The following MS4A8 variants were observed in gnomAD, a reference collection of about 807,000 sequenced individuals.
MS4A8 encodes the protein membrane-spanning 4-domains subfamily A member 8.
A neutral mutation model predicts 23.7 loss-of-function variants in MS4A8; 27 were observed. The ratio of observed to expected loss-of-function variants is 1.14; its 90% confidence interval spans 0.84 to 1.57. MS4A8 has a LOEUF of 1.57. Ranked by LOEUF, MS4A8 falls within the 40% of genes most tolerant of loss-of-function variation. The pLI, the probability that MS4A8 is intolerant of heterozygous loss-of-function variation, is 0.00. For synonymous variants in MS4A8, 138 were observed against 126.3 expected, an observed-to-expected ratio of 1.09 and a Z score of -0.62; for missense variants, 301 against 311.4, an observed-to-expected ratio of 0.97 and a Z score of 0.25.
intron 3 of MS4A8, among the ~76,000 whole-genome samples, chr11:60,705,604 A>C (rs1356950927): frequency 1.3e-5 from 2 of 152,248 alleles, no homozygotes; most frequent in Non-Finnish European, 2.9e-5. Context: ...CCTCCCCATC[A>C]AATCTCTATA....
chr11:60,706,870 C>T, intron 3 of MS4A8, 118 bp from the exon 4 acceptor site: 1 of 815,706 alleles, frequency 1.2e-6, no homozygotes, highest in East Asian at 2.4e-5. Context: ...TTCTGTTGCC[C>T]ATGTTGAGCT....
At chr11:60,705,860 T>G (rs1217121007) in intron 3 of MS4A8, among the ~76,000 whole-genome samples, 15 of 152,234 alleles carry the variant, frequency 9.9e-5, no homozygotes. Context: ...TTATTTACAA[T>G]GAAAACTCCG....
chr11:60,714,212 C>T (rs1036522715), intron 5 of MS4A8, among the ~76,000 whole-genome samples: 4 of 141,948 alleles, frequency 2.8e-5, no homozygotes, highest in Admixed American at 2.7e-4. Flanking sequence ...GCGTGAGCCA[C>T]CGCGCCCGGC....
At chr11:60,714,894 C>T (rs1445507038) in intron 5 of MS4A8, 127 bp from the exon 6 acceptor site, 3 of 676,756 alleles carry the variant, frequency 4.4e-6, no homozygotes, top group African/African-American at 1.8e-5. Context: ...AAATTTCCCC[C>T]CACGAGGCTG....
At chr11:60,710,073 T>G (rs137868644) in intron 5 of MS4A8, among the ~76,000 whole-genome samples, 2 of 152,196 alleles carry the variant, frequency 1.3e-5, no homozygotes, top group Non-Finnish European at 2.9e-5. Flanking sequence ...TTGCTTGACT[T>G]CCAGGCTCCA....
At position 60,700,900 on chromosome 11, in the gene MS4A8, G is replaced by A; in HGVS notation, c.40G>A (p.Val14Met). ...TTCAGCAGTTCCGGTGGCCAATTCT[G>A]TGTTGGTGGTGGCACCCCACAATGG... Reference protein sequence around the residue: ...MTSAVPVANSVLVVAPHNGYP... With the variant: ...MTSAVPVANSMLVVAPHNGYP... Residue 14 changes from valine to methionine, a missense_variant, in exon 2 of 7, where the codon GTG becomes ATG. Physicochemically the swap from Val to Met is conservative, Grantham distance 21. Transcript: ENST00000300226. 3 of 1,614,166 alleles carry A rather than the reference G, an allele frequency of 1.9e-6. No homozygotes were observed. The highest frequency in any genetic ancestry group is 1.7e-6 in the Non-Finnish European group (2 of 1,180,028).
chr11:60,703,651 C>T (rs1447057995), intron 3 of MS4A8, 151 bp downstream of exon 3: 7 of 854,862 alleles, frequency 8.2e-6, no homozygotes, highest in African/African-American at 5.3e-5. Context: ...GGCCTCGTTC[C>T]GCAAGCATAT....
At chr11:60,707,812 CTTTTTT>C (rs5792195) in intron 4 of MS4A8, among the ~76,000 whole-genome samples, 3 of 55,144 alleles carry the variant, frequency 5.4e-5, no homozygotes, top group African/African-American at 1.3e-4. Context: ...TTTTCTTTTT[CTTTTTT>C]TTTTTTTTTT....
chr11:60,712,611 T>A, intron 5 of MS4A8: 2 of 467,352 alleles, frequency 4.3e-6, no homozygotes. Context: ...CTGGGCAACA[T>A]GGCGAAATCC....
At chr11:60,703,684 C>T (rs112972816) in intron 3 of MS4A8, among the ~76,000 whole-genome samples, 184 bp downstream of exon 3, 307 of 152,320 alleles carry the variant, frequency 2.0e-3, no homozygotes, top group African/African-American at 6.9e-3. Context: ...GCCGGCCCAA[C>T]AGAGTATAGC....
intron 3 of MS4A8, 151 bp downstream of exon 3, chr11:60,703,651 C>A (rs1447057995): frequency 1.2e-6 from 1 of 854,976 alleles, no homozygotes; most frequent in Non-Finnish European, 1.8e-6. Flanking sequence ...GGCCTCGTTC[C>A]GCAAGCATAT....
At chr11:60,704,054 A>C (rs1309028679) in intron 3 of MS4A8, among the ~76,000 whole-genome samples, 1 of 151,932 alleles carries the variant, frequency 6.6e-6, no homozygotes, top group Non-Finnish European at 1.5e-5. Flanking sequence ...AATTCAGCCC[A>C]TAATATCAAG....
Position 60,715,521 on chromosome 11 carries a change from C to T in MS4A8, c.*107C>T, listed in dbSNP as rs1403598029. ...CCTGTTCTGACAGCTGAGGAAACGT[C>T]TCTCCCACTGTTTGTACTCTCACCT... is the stretch of plus-strand genomic sequence containing the variant. On this transcript the variant is annotated 3_prime_UTR_variant, in exon 7 of 7. Transcript: ENST00000300226. 2 of 768,498 alleles carry T rather than the reference C, an allele frequency of 2.6e-6. No homozygotes were observed. The highest frequency in any genetic ancestry group is 4.4e-6 in the Non-Finnish European group (2 of 459,538). 47.6% of individuals were successfully genotyped at this position (768,498 alleles called of 1,614,324 possible). A position where few individuals can be genotyped will look rare whatever the true frequency, so the allele number is the denominator to read the frequency against.
At chr11:60,704,894 A>ACT (rs1163961203) in intron 3 of MS4A8, among the ~76,000 whole-genome samples, 9 of 144,120 alleles carry the variant, frequency 6.2e-5, no homozygotes, top group Admixed American at 1.4e-4. Flanking sequence ...ACACACACAC[A>ACT]CTCTCTCTCT....
intron 6 of MS4A8, 61 bp from the exon 7 acceptor site, chr11:60,715,249 G>A (rs924958354): frequency 5.9e-5 from 90 of 1,533,166 alleles, no homozygotes; most frequent in South Asian, 3.8e-4. Flanking sequence ...CTCGGTGTCC[G>A]AGGCCTTTGG....
Position 60,704,835 on chromosome 11 carries a change from CAT to C in MS4A8, c.342+1337_342+1338del, listed in dbSNP as rs3044426. ...GCCCACACACACACACACACACACA[CAT>C]ACACACACACACATACAAACAAACA... On this transcript the variant is annotated intron_variant, in intron 3 of 6. Coordinates refer to ENST00000300226, the MANE Select transcript of MS4A8 (RefSeq NM_031457.2). 5.5e-3 allele frequency among the ~76,000 whole-genome samples: 385 copies of C among 69,522 alleles called. 1 individual carries two copies. Among genetic ancestry groups the C allele is most frequent in the African/African-American group, 0.019 (349 of 18,042 alleles). 45.6% of individuals were successfully genotyped at this position (69,522 alleles called of 152,430 possible).
chr11:60,703,441 G>A lies in MS4A8; in HGVS notation c.283G>A (p.Val95Ile). 1.2e-6 allele frequency: 2 copies of A among 1,607,252 alleles called. No individual in the cohort carries two copies. Among genetic ancestry groups the A allele is most frequent in the African/African-American group, 1.3e-5 (1 of 74,458 alleles). ...GLGSIMATVL[V>I]GEYLSISFYG... ...CGGCTCCATCATGGCGACGGTTCTCGTAGGGGAATACCTGTCTATTTCATT... is the reference window on the plus strand; with the variant it reads ...CGGCTCCATCATGGCGACGGTTCTCATAGGGGAATACCTGTCTATTTCATT... The change falls in exon 3 of 7, where the codon GTA (valine) becomes ATA (isoleucine). Residue 95 changes from valine to isoleucine, a missense_variant. Val to Ile is a conservative substitution (Grantham distance 29). Transcript: ENST00000300226.
chr11:60,709,905 A>G (rs978794661), intron 5 of MS4A8, among the ~76,000 whole-genome samples: 7 of 152,190 alleles, frequency 4.6e-5, no homozygotes, highest in African/African-American at 1.4e-4. Context: ...TTTGCAGACA[A>G]ATTCTTAAAA....
At chr11:60,703,272 T>G in intron 2 of MS4A8, 106 bp from the exon 3 acceptor site, 1 of 1,304,628 alleles carries the variant, frequency 7.7e-7, no homozygotes, top group Non-Finnish European at 1.0e-6. Context: ...CCATATTACT[T>G]TTTAGACCAT....
Sources: gnomAD v4.1 joint callset for allele counts (sites outside exome capture counted in the v4.1 genomes callset) on GRCh38, gnomAD v4.1.1 for gene constraint, MANE v1.5 for transcripts, NCBI Gene and HGNC (gene_info 2026-07-23, HGNC 2026-07-21) for gene names.